The following C1orf105 variants were observed in gnomAD, a reference collection of about 807,000 sequenced individuals.
C1orf105 encodes chromosome 1 open reading frame 105.
In C1orf105, 17 loss-of-function variants were observed where a neutral mutation model predicts 20.8. The observed-to-expected ratio is 0.82, with a 90% CI of 0.56 to 1.23. C1orf105 has a LOEUF of 1.23. C1orf105 is among the 50% of genes most tolerant of loss of function. The probability of loss-of-function intolerance (pLI) is 0.00; values close to 1 mark genes in which losing one functional copy is unlikely to be tolerated. For synonymous variants in C1orf105, 72 were observed against 72.1 expected, an observed-to-expected ratio of 1.00 and a Z score of 0.01; for missense variants, 219 against 213.5, an observed-to-expected ratio of 1.03 and a Z score of -0.16.
chr1:172,464,510 G>A (rs1247591088), intron 5 of C1orf105, among the ~76,000 whole-genome samples: 1 of 152,186 alleles, frequency 6.6e-6, no homozygotes, highest in Non-Finnish European at 1.5e-5. Flanking sequence ...TTCCTCAAGG[G>A]TCACCTCCAC....
At chr1:172,428,437 AC>A (rs1445173195) in intron 1 of C1orf105, among the ~76,000 whole-genome samples, 24 of 152,032 alleles carry the variant, frequency 1.6e-4, no homozygotes, top group African/African-American at 5.8e-4. Context: ...TTCCCACGTT[AC>A]CTCTACGACT....
chr1:172,422,486 G>A (rs1243826542), intron 1 of C1orf105, among the ~76,000 whole-genome samples: 1 of 152,140 alleles, frequency 6.6e-6, no homozygotes, highest in African/African-American at 2.4e-5. Flanking sequence ...CAGTAGCCAA[G>A]TACTACATAC....
chr1:172,434,248 C>G (rs183911165), intron 1 of C1orf105, among the ~76,000 whole-genome samples: 10 of 152,312 alleles, frequency 6.6e-5, no homozygotes, highest in Non-Finnish European at 1.3e-4. Flanking sequence ...CTGCACCAAG[C>G]AAACCTAATA....
chr1:172,461,467 C>T (rs967239730), intron 4 of C1orf105, among the ~76,000 whole-genome samples: 18 of 152,034 alleles, frequency 1.2e-4, no homozygotes, highest in South Asian at 4.1e-4. Context: ...CGAGAAATAA[C>T]GGAAAAATGC....
chr1:172,462,203 C>A lies in C1orf105; in HGVS notation c.299C>A (p.Pro100Gln). 6.2e-7 allele frequency: 1 copy of A among 1,610,120 alleles called. No individual in the cohort carries two copies. The highest frequency in any genetic ancestry group is 1.3e-5 in the African/African-American group (1 of 74,842). Residue 100 changes from proline to glutamine, a missense_variant, in exon 5 of 7, where the codon CCA (proline) becomes CAA (glutamine). Coordinates refer to ENST00000367727, the MANE Select transcript of C1orf105 (RefSeq NM_139240.4). ...KMVQPRTMKI[P>Q]DDPKASFENC... ...GTACAACCAAGAACAATGAAAATCC[C>A]AGATGATCCAAAAGCATCCTTTGAG...
chr1:172,453,674 G>T (rs1174065853), intron 3 of C1orf105, among the ~76,000 whole-genome samples: 1 of 152,076 alleles, frequency 6.6e-6, no homozygotes, highest in Non-Finnish European at 1.5e-5. Context: ...CATGATTCTT[G>T]CTCTTAAATA....
chr1:172,467,951 T>C (rs900841890), intron 6 of C1orf105, among the ~76,000 whole-genome samples: 3 of 152,208 alleles, frequency 2.0e-5, no homozygotes. Context: ...CAGATTTCTT[T>C]TGAAACAAAA....
At chr1:172,456,329 C>A in intron 3 of C1orf105, 86 bp from the exon 4 acceptor site, 1 of 1,144,746 alleles carries the variant, frequency 8.7e-7, no homozygotes. Flanking sequence ...TGTTACCTCT[C>A]TCACCCCTCC....
intron 5 of C1orf105, among the ~76,000 whole-genome samples, chr1:172,463,125 A>C (rs914238476): frequency 6.6e-6 from 1 of 152,262 alleles, no homozygotes; most frequent in East Asian, 1.9e-4. Context: ...CTAGGCAGGG[A>C]AGAAGGACTC....
At position 172,462,174 on chromosome 1, in the gene C1orf105, T is replaced by C. The variant is rs180993795; in HGVS notation, c.274-4T>C. The C allele has an allele frequency of 1.5e-4, 246 of 1,606,394 alleles. No homozygotes were observed. The African/African-American group carries it at 2.9e-3, about 19-fold the overall frequency. ...AACGTTCTAAATGAGACTTTCTTCT[T>C]GAGGTACAACCAAGAACAATGAAAA... is the stretch of plus-strand genomic sequence containing the variant. On this transcript the variant is annotated splice_region_variant and splice_polypyrimidine_tract_variant and intron_variant, in intron 4 of 6. Coordinates refer to ENST00000367727, the MANE Select transcript of C1orf105 (RefSeq NM_139240.4).
chr1:172,434,820 T>C (rs1367036600), intron 1 of C1orf105, among the ~76,000 whole-genome samples: 2 of 152,168 alleles, frequency 1.3e-5, no homozygotes, highest in Non-Finnish European at 2.9e-5. Flanking sequence ...GCTGGTTTTT[T>C]GAAAAGATCA....
intron 1 of C1orf105, chr1:172,441,951 A>G: frequency 6.2e-7 from 1 of 1,614,200 alleles, no homozygotes; most frequent in Non-Finnish European, 8.5e-7. Context: ...AGCTCCGGGG[A>G]GTACATGCCT....
intron 1 of C1orf105, chr1:172,442,557 C>A (rs755188650): frequency 6.2e-7 from 1 of 1,614,184 alleles, no homozygotes; most frequent in South Asian, 1.1e-5. Flanking sequence ...CAGGAAAGGG[C>A]TGTCGCTCAT....
chr1:172,453,223 A>G (rs980046970), intron 3 of C1orf105: 8 of 1,544,696 alleles, frequency 5.2e-6, no homozygotes, highest in Non-Finnish European at 7.0e-6. Context: ...ATTGCTTTTT[A>G]CCTTTAAATG....
intron 4 of C1orf105, 44 bp downstream of exon 4, chr1:172,456,533 T>C: frequency 6.4e-7 from 1 of 1,565,928 alleles, no homozygotes; most frequent in Middle Eastern, 1.7e-4. Context: ...CATCTCAGGG[T>C]GCAGCACTGC....
rs149665699 is a variant in C1orf105 at position 172,455,227 on chromosome 1, C to T, written c.199-1188C>T. On this transcript the variant is annotated intron_variant, in intron 3 of 6. Transcript: ENST00000367727. ...CCCTCAAACCCCCCATGATGCATCA[C>T]CTAAGTGCCATATGTCTCTCACAGG... Among the ~76,000 whole-genome samples the T allele has an allele frequency of 7.1e-3, 1,075 of 152,260 alleles. 14 individuals carry two copies. Among genetic ancestry groups the T allele is most frequent in the African/African-American group, 0.025 (1,026 of 41,538 alleles).
intron 6 of C1orf105, chr1:172,465,781 A>G (rs1233757169): frequency 7.2e-6 from 3 of 414,566 alleles, no homozygotes; most frequent in African/African-American, 2.1e-5. Context: ...CCAGCTCCCT[A>G]AAATACCTGC....
At chr1:172,430,081 T>TTAA (rs1328336365) in intron 1 of C1orf105, among the ~76,000 whole-genome samples, 1 of 152,170 alleles carries the variant, frequency 6.6e-6, no homozygotes, top group Non-Finnish European at 1.5e-5. Flanking sequence ...AGGTTGGGAT[T>TTAA]TAATTCCAAT....
chr1:172,456,389 C>G (rs2285170), intron 3 of C1orf105, 26 bp from the exon 4 acceptor site: 777,960 of 1,598,968 alleles, frequency 0.49, 196,933 homozygotes, highest in East Asian at 0.65. Context: ...ATTTCCTCAC[C>G]TCTCTCTGTC....
Sources: allele counts gnomAD v4.1 joint callset (sites outside exome capture counted in the v4.1 genomes callset), GRCh38; gene constraint gnomAD v4.1.1; transcripts MANE v1.5; gene names NCBI Gene and HGNC (gene_info 2026-07-23, HGNC 2026-07-21).